TTC8: variants seen among roughly 807,000 people sequenced by gnomAD.
The protein encoded by TTC8 is tetratricopeptide repeat protein 8.
In TTC8, 47 loss-of-function variants were observed where a neutral mutation model predicts 72.5. The observed-to-expected ratio is 0.65, with a 90% CI of 0.51 to 0.83. The LOEUF (loss-of-function observed/expected upper bound fraction) is 0.83, where lower values mean the gene tolerates loss of function less well. Among genes scored for constraint, TTC8 ranks in the 40% least tolerant of loss-of-function variants. The pLI, the probability that TTC8 is intolerant of heterozygous loss-of-function variation, is 0.00. For missense variants in TTC8, 611 were observed against 623.2 expected, an observed-to-expected ratio of 0.98 and a Z score of 0.21; for synonymous variants, 199 against 221.4, an observed-to-expected ratio of 0.90 and a Z score of 0.90.
chr14:88,839,573 G>A lies in TTC8; in HGVS notation c.265+1G>A, dbSNP rs139234943. On this transcript the variant is annotated splice_donor_variant, in intron 3 of 14. Coordinates refer to ENST00000380656, the MANE Select transcript of TTC8 (RefSeq NM_144596.4). LOFTEE classifies it high-confidence loss of function. Reference sequence around the variant, plus strand: ...GAAAATGCTATAGCTCAAGTTCCACGTAAGTATTGGGTTTTCAGTTAAGTT... The same window carrying A: ...GAAAATGCTATAGCTCAAGTTCCACATAAGTATTGGGTTTTCAGTTAAGTT... 1.4e-5 allele frequency: 22 copies of A among 1,612,784 alleles called. No homozygotes were observed. Among genetic ancestry groups the A allele is most frequent in the Non-Finnish European group, 1.8e-5 (21 of 1,179,266 alleles).
intron 2 of TTC8, among the ~76,000 whole-genome samples, chr14:88,839,078 A>G (rs2094767021): frequency 6.6e-6 from 1 of 152,236 alleles, no homozygotes; most frequent in African/African-American, 2.4e-5. Context: ...ATAATAAAGG[A>G]CTTGACCTTG....
At chr14:88,866,644 G>C (rs1272446952) in intron 10 of TTC8, among the ~76,000 whole-genome samples, 1 of 152,006 alleles carries the variant, frequency 6.6e-6, no homozygotes, top group African/African-American at 2.4e-5. Context: ...ACACCTATTT[G>C]GAAGAACTTA....
At chr14:88,846,691 T>C (rs2094808383) in intron 7 of TTC8, 6 of 1,235,514 alleles carry the variant, frequency 4.9e-6, no homozygotes, top group African/African-American at 1.5e-5. Context: ...ATTTATTCCC[T>C]GCACTACTGC....
upstream of TTC8, chr14:88,824,155 G>A (rs1353475349): frequency 6.6e-6 from 1 of 152,348 alleles, no homozygotes; most frequent in Non-Finnish European, 1.5e-5. Context: ...CGGTGGGAAG[G>A]ACCTCGAGAA....
Position 88,843,798 on chromosome 14 carries a change from C to G in TTC8, c.580-8C>G. The G allele has an allele frequency of 6.3e-7, 1 of 1,579,170 alleles. No individual in the cohort carries two copies. Among genetic ancestry groups the G allele is most frequent in the Non-Finnish European group, 8.6e-7 (1 of 1,161,130 alleles). On this transcript the variant is annotated splice_polypyrimidine_tract_variant and splice_region_variant and intron_variant, in intron 6 of 14. Transcript: ENST00000380656. ...TCTAACGTATTTTTGACACTTTTTT[C>G]TTCACAGGCTTTGTTTGAGTATATC... is the stretch of plus-strand genomic sequence containing the variant.
At chr14:88,827,487 A>T (rs2094706792) in intron 1 of TTC8, among the ~76,000 whole-genome samples, 1 of 152,168 alleles carries the variant, frequency 6.6e-6, no homozygotes, top group Non-Finnish European at 1.5e-5. Flanking sequence ...GTTGAACTGT[A>T]TGTATTGCCA....
At chr14:88,880,130 T>G (rs1352527180), downstream of TTC8, 1 of 152,016 alleles carries the variant, frequency 6.6e-6, no homozygotes, top group African/African-American at 2.4e-5. Flanking sequence ...AGAAATCAAG[T>G]GTAGGAAAAA....
rs776411988 is a variant in TTC8 at position 88,871,478 on chromosome 14, T to C, written c.1050-71T>C. On this transcript the variant is annotated intron_variant, in intron 11 of 14. Transcript: ENST00000380656. The surrounding 1 kb of genome is among the most constrained non-coding windows in gnomAD (Gnocchi z 4.1). ...TGAATTCATTTTTAACTGTGTAAAA[T>C]ATATATATATATGTCTTAAAACTTA... 123 of 1,028,372 alleles carry C rather than the reference T, an allele frequency of 1.2e-4. No individual in the cohort carries two copies. Among genetic ancestry groups the C allele is most frequent in the Non-Finnish European group, 1.7e-4 (123 of 703,326 alleles). The allele number at this position is 1,028,372 out of a possible 1,614,324, so 63.7% of individuals were successfully genotyped here.
chr14:88,844,599 C>T (rs1216255490), intron 7 of TTC8, among the ~76,000 whole-genome samples: 1 of 151,796 alleles, frequency 6.6e-6, no homozygotes, highest in Non-Finnish European at 1.5e-5. Flanking sequence ...GGCTGGAATG[C>T]AGTGGTATTA....
intron 2 of TTC8, among the ~76,000 whole-genome samples, chr14:88,839,027 G>A (rs1011486518): frequency 6.6e-6 from 1 of 152,176 alleles, no homozygotes; most frequent in African/African-American, 2.4e-5. Context: ...AAAGACAAGA[G>A]TGTGTAATAG....
At chr14:88,838,746 T>G (rs2094765000) in intron 2 of TTC8, among the ~76,000 whole-genome samples, 1 of 152,206 alleles carries the variant, frequency 6.6e-6, no homozygotes, top group Non-Finnish European at 1.5e-5. Context: ...TATTTGCCAG[T>G]TTAGATTTCT....
intron 10 of TTC8, among the ~76,000 whole-genome samples, chr14:88,865,598 G>A (rs564508165): frequency 1.2e-4 from 19 of 152,106 alleles, no homozygotes; most frequent in Non-Finnish European, 2.8e-4. Context: ...AACCCAGGAG[G>A]CAGAGGTTGC....
At chr14:88,874,906 C>A in intron 13 of TTC8, 120 bp from the exon 14 acceptor site, 1 of 659,136 alleles carries the variant, frequency 1.5e-6, no homozygotes, top group Non-Finnish European at 2.6e-6. Context: ...TTATCACAGG[C>A]TCGTGTTATT....
intron 13 of TTC8, among the ~76,000 whole-genome samples, chr14:88,874,703 T>C (rs191635520): frequency 1.1e-3 from 160 of 152,320 alleles, no homozygotes; most frequent in Non-Finnish European, 1.8e-3. Flanking sequence ...GTATTTCAGA[T>C]TGTATGTCAT....
chr14:88,864,662 G>A (rs2094902272), intron 10 of TTC8, among the ~76,000 whole-genome samples: 2 of 152,208 alleles, frequency 1.3e-5, no homozygotes, highest in African/African-American at 4.8e-5. Context: ...AAGCATCTTA[G>A]CTGTAGGGAC....
chr14:88,841,239 A>G (rs770078430), intron 5 of TTC8, 43 bp downstream of exon 5: 11 of 1,612,502 alleles, frequency 6.8e-6, no homozygotes, highest in South Asian at 2.2e-5. Context: ...TTACTTTGGT[A>G]TTACCAAAGT....
intron 1 of TTC8, among the ~76,000 whole-genome samples, chr14:88,825,738 G>A (rs991492070): frequency 6.6e-6 from 1 of 152,152 alleles, no homozygotes; most frequent in Non-Finnish European, 1.5e-5. Context: ...AAATTGAAGG[G>A]AGTTACAAAA....
intron 1 of TTC8, 68 bp from the exon 2 acceptor site, chr14:88,833,625 C>A: frequency 6.9e-7 from 1 of 1,447,232 alleles, no homozygotes; most frequent in African/African-American, 1.4e-5. Context: ...CTTGGTTGGT[C>A]CTTAGGACTT....
chr14:88,833,530 C>T (rs894454272), intron 1 of TTC8, among the ~76,000 whole-genome samples, 163 bp from the exon 2 acceptor site: 5 of 152,198 alleles, frequency 3.3e-5, no homozygotes, highest in African/African-American at 1.2e-4. Context: ...ATTCATTTTA[C>T]ACAACTCTTG....
Sources: gnomAD v4.1 joint callset for allele counts (sites outside exome capture counted in the v4.1 genomes callset) on GRCh38, gnomAD v4.1.1 for gene constraint, Gnocchi (gnomAD v3.1) non-coding constraint, MANE v1.5 for transcripts, NCBI Gene and HGNC (gene_info 2026-07-23, HGNC 2026-07-21) for gene names.